Variants in FRYL observed in about 807,000 individuals in gnomAD.
FRYL encodes the protein protein furry homolog-like.
FRYL carries 150 observed loss-of-function variants against 351.2 expected under a neutral mutation model. That is an observed-to-expected ratio of 0.43 (90% confidence interval 0.37 to 0.49). The LOEUF is 0.49. Ranked by LOEUF, FRYL falls within the 20% of genes least tolerant of loss-of-function variation. FRYL has a pLI of 0.00. For missense variants in FRYL, 3,036 were observed against 3,619.3 expected (o/e 0.84, Z 4.13); for synonymous variants, 1,153 against 1,257.1 (o/e 0.92, Z 1.75).
intron 4 of FRYL, among the ~76,000 whole-genome samples, chr4:48,630,561 A>G (rs1752766203): frequency 6.6e-6 from 1 of 152,164 alleles, no homozygotes; most frequent in South Asian, 2.1e-4. Flanking sequence ...CCGAGGATTG[A>G]TCCATCTCCT....
At chr4:48,761,047 GTGTT>G (rs901904080) in intron 1 of FRYL, among the ~76,000 whole-genome samples, 12 of 144,334 alleles carry the variant, frequency 8.3e-5, no homozygotes, top group African/African-American at 2.8e-4. Context: ...GTGTGTGTGT[GTGTT>G]GAAGAGGAAA....
chr4:48,772,262 T>C (rs1775588200), intron 1 of FRYL, among the ~76,000 whole-genome samples: 1 of 152,332 alleles, frequency 6.6e-6, no homozygotes, highest in South Asian at 2.1e-4. Context: ...TTAAGATTAT[T>C]TTGAACCTCT....
chr4:48,724,320 T>C (rs1230215760), intron 1 of FRYL, among the ~76,000 whole-genome samples: 3 of 152,016 alleles, frequency 2.0e-5, no homozygotes, highest in Non-Finnish European at 2.9e-5. Context: ...CAAACTCAAG[T>C]CTATTTCCAT....
chr4:48,550,093 C>T (rs115134002), intron 38 of FRYL, among the ~76,000 whole-genome samples: 7 of 152,318 alleles, frequency 4.6e-5, no homozygotes, highest in Non-Finnish European at 8.8e-5. Context: ...GGGTAAGTCA[C>T]TTAACCTCTC....
intron 49 of FRYL, among the ~76,000 whole-genome samples, chr4:48,532,557 C>T (rs1363812008): frequency 1.3e-5 from 2 of 152,106 alleles, no homozygotes; most frequent in Non-Finnish European, 2.9e-5. Context: ...ACTTGGGAGG[C>T]TGAGGCAGGA....
intron 31 of FRYL, among the ~76,000 whole-genome samples, chr4:48,563,605 G>C (rs1351780425): frequency 6.6e-6 from 1 of 151,948 alleles, no homozygotes; most frequent in Admixed American, 6.6e-5. Flanking sequence ...GGCTACTCGG[G>C]AGGTTGAGGT....
At chr4:48,759,050 G>A (rs559552767) in intron 1 of FRYL, among the ~76,000 whole-genome samples, 10 of 152,260 alleles carry the variant, frequency 6.6e-5, no homozygotes, top group African/African-American at 1.4e-4. Context: ...CGGGACACAC[G>A]GTGGGGAACA....
At chr4:48,593,495 C>T (rs1023858592) in intron 16 of FRYL, among the ~76,000 whole-genome samples, 18 of 152,194 alleles carry the variant, frequency 1.2e-4, no homozygotes, top group South Asian at 4.2e-4. Context: ...CAGGCATGTG[C>T]CACCACTCCC....
rs1350175776 is a variant in FRYL at position 48,620,781 on chromosome 4, G to A, written c.175-3C>T. 6.2e-7 allele frequency: 1 copy of A among 1,609,722 alleles called. No homozygotes were observed. Among genetic ancestry groups the A allele is most frequent in the African/African-American group, 1.3e-5 (1 of 74,802 alleles). ...ACTGAGCTCATAGAGCTTATCAACT[G>A]AAAACACAAGATATTACCAGAAAAT... On this transcript the variant is annotated splice_polypyrimidine_tract_variant and splice_region_variant and intron_variant, in intron 5 of 63. Coordinates refer to ENST00000358350, the MANE Select transcript of FRYL (RefSeq NM_015030.2).
At chr4:48,676,370 G>T (rs28733443) in intron 3 of FRYL, among the ~76,000 whole-genome samples, 62,446 of 151,830 alleles carry the variant, frequency 0.41, 14,148 homozygotes, top group Admixed American at 0.55. Context: ...CAACACATCT[G>T]AACATCAGAA....
At chr4:48,616,640 T>C (rs1749512678) in intron 7 of FRYL, among the ~76,000 whole-genome samples, 1 of 152,098 alleles carries the variant, frequency 6.6e-6, no homozygotes, top group East Asian at 1.9e-4. Flanking sequence ...TTTTGAAGAG[T>C]TCCAAACGTG....
At chr4:48,773,866 CTGTAGCTGTG>C (rs1775757638) in intron 1 of FRYL, among the ~76,000 whole-genome samples, 2 of 152,138 alleles carry the variant, frequency 1.3e-5, no homozygotes, top group African/African-American at 2.4e-5. Flanking sequence ...ACAGTGGAAA[CTGTAGCTGTG>C]ACTGCACCAC....
intron 52 of FRYL, 67 bp from the exon 53 acceptor site, chr4:48,527,720 C>A: frequency 6.8e-7 from 1 of 1,461,122 alleles, no homozygotes. Flanking sequence ...TATGAGGTAT[C>A]AGTACCCCAA....
At chr4:48,708,232 T>C (rs1050414766) in intron 2 of FRYL, among the ~76,000 whole-genome samples, 2 of 151,184 alleles carry the variant, frequency 1.3e-5, no homozygotes, top group South Asian at 2.1e-4. Flanking sequence ...TAAGCCGAGA[T>C]TGAGCCACTG....
chr4:48,507,355 A>AAT (rs1721346218), intron 59 of FRYL, among the ~76,000 whole-genome samples: 1 of 152,154 alleles, frequency 6.6e-6, no homozygotes, highest in Admixed American at 6.5e-5. Flanking sequence ...ACATCTAATC[A>AAT]ATCAGTCTTC....
At chr4:48,602,220 A>G (rs763912412) in intron 12 of FRYL, 99 bp from the exon 13 acceptor site, 142 of 659,272 alleles carry the variant, frequency 2.2e-4, no homozygotes, top group Admixed American at 3.8e-4. Context: ...CAAGGAAACA[A>G]ATCTTTTAAG....
intron 3 of FRYL, among the ~76,000 whole-genome samples, chr4:48,675,147 A>C (rs1254736865): frequency 1.3e-5 from 2 of 152,106 alleles, no homozygotes; most frequent in Admixed American, 1.3e-4. Flanking sequence ...TCCCGGGTTC[A>C]CGCCATTCTC....
At chr4:48,757,013 T>C (rs779086669) in intron 1 of FRYL, among the ~76,000 whole-genome samples, 1 of 152,156 alleles carries the variant, frequency 6.6e-6, no homozygotes, top group Non-Finnish European at 1.5e-5. Context: ...TGGGTGACTG[T>C]AGTGTGGTGA....
In FRYL at chr4:48,579,350, A is replaced by G. The variant is rs954298982; in HGVS notation, c.2260-109T>C. 6 of 877,106 alleles carry G rather than the reference A, an allele frequency of 6.8e-6. No individual in the cohort carries two copies. In the African/African-American group the frequency reaches 1.0e-4, roughly 15 times the overall value. The allele number at this position is 877,106 out of a possible 1,614,324, so 54.3% of individuals were successfully genotyped here. On this transcript the variant is annotated intron_variant, in intron 22 of 63. Transcript: ENST00000358350. ...GTGTATTAGTAGTTTCTAAAACAAG[A>G]TAATATAAAGTCCATGGTAGGTTGA...
Sources: allele counts gnomAD v4.1 joint callset (sites outside exome capture counted in the v4.1 genomes callset), GRCh38; gene constraint gnomAD v4.1.1; transcripts MANE v1.5; gene names NCBI Gene and HGNC (gene_info 2026-07-23, HGNC 2026-07-21).